ERBB4: variants seen among roughly 807,000 people sequenced by gnomAD.
The protein encoded by ERBB4 is receptor tyrosine-protein kinase erbB-4.
In ERBB4, 42 loss-of-function variants were observed where a neutral mutation model predicts 158.0. That is an observed-to-expected ratio of 0.27 (90% CI 0.21 to 0.34). The LOEUF (loss-of-function observed/expected upper bound fraction) is 0.34. ERBB4 is among the 10% of genes least tolerant of loss of function. The pLI is 1.00. For missense variants in ERBB4, 1,333 were observed against 1,624.1 expected (o/e 0.82, Z 3.08); for synonymous variants, 583 against 558.7 (o/e 1.04, Z -0.61).
intron 1 of ERBB4, among the ~76,000 whole-genome samples, chr2:212,402,465 C>T (rs2091235478): frequency 1.3e-5 from 2 of 151,920 alleles, no homozygotes; most frequent in South Asian, 4.2e-4. Context: ...GTGATAAAAC[C>T]ATGTAGAACT....
intron 5 of ERBB4, among the ~76,000 whole-genome samples, chr2:211,737,282 A>G (rs1305270383): frequency 6.6e-6 from 1 of 152,144 alleles, no homozygotes; most frequent in African/African-American, 2.4e-5. Flanking sequence ...CAATTTTCAA[A>G]TCCAGGAAGG....
intron 1 of ERBB4, among the ~76,000 whole-genome samples, chr2:212,217,849 T>G (rs914718869): frequency 2.0e-5 from 3 of 151,352 alleles, no homozygotes; most frequent in African/African-American, 7.3e-5. Flanking sequence ...CCGAACAAGA[T>G]AATATATGTA....
chr2:212,360,108 G>T (rs2089627290), intron 1 of ERBB4, among the ~76,000 whole-genome samples: 1 of 151,686 alleles, frequency 6.6e-6, no homozygotes, highest in Non-Finnish European at 1.5e-5. Flanking sequence ...GTGGAAAACT[G>T]ACACCTCACT....
At chr2:212,472,578 CAG>C (rs1689169200) in intron 1 of ERBB4, among the ~76,000 whole-genome samples, 1 of 151,270 alleles carries the variant, frequency 6.6e-6, no homozygotes, top group Non-Finnish European at 1.5e-5. Flanking sequence ...AAGGCAAATG[CAG>C]AGAGGTAGAA....
rs1039488208 is a variant in ERBB4, at chr2:212,433,699, T to C, written c.82+104750A>G. Among the ~76,000 whole-genome samples, 9 of 152,142 alleles carry C rather than the reference T, an allele frequency of 5.9e-5. No individual in the cohort carries two copies. The East Asian group carries it at 1.7e-3, about 29-fold the overall frequency. ...TATACACATCGTTGGTAGTAAAATA[T>C]ATATATTAATATCTTGAAACATTAG... On this transcript the variant is annotated intron_variant, in intron 1 of 27. Transcript: ENST00000342788.
chr2:211,582,628 GTTAC>G (rs2068138158), intron 19 of ERBB4, among the ~76,000 whole-genome samples: 1 of 152,034 alleles, frequency 6.6e-6, no homozygotes, highest in Admixed American at 6.6e-5. Context: ...ACTGACATAG[GTTAC>G]TTAGATTAAA....
intron 14 of ERBB4, among the ~76,000 whole-genome samples, chr2:211,669,235 A>G (rs891202293): frequency 7.3e-4 from 101 of 137,788 alleles, no homozygotes; most frequent in East Asian, 2.1e-3. Flanking sequence ...AAAAAAAAAA[A>G]AAAGAAAAAA....
intron 3 of ERBB4, among the ~76,000 whole-genome samples, chr2:211,840,872 A>AATT (rs2077454981): frequency 1.3e-5 from 2 of 151,930 alleles, no homozygotes; most frequent in African/African-American, 4.8e-5. Flanking sequence ...ACAATGGGGT[A>AATT]TGCAATTTAA....
intron 2 of ERBB4, among the ~76,000 whole-genome samples, chr2:211,975,240 C>T (rs1216122703): frequency 6.6e-6 from 1 of 152,182 alleles, no homozygotes; most frequent in African/African-American, 2.4e-5. Flanking sequence ...CCTCCACCGC[C>T]CAAAGTACTA....
intron 2 of ERBB4, among the ~76,000 whole-genome samples, chr2:212,123,709 G>A (rs1042713430): frequency 2.6e-5 from 4 of 151,914 alleles, no homozygotes; most frequent in Non-Finnish European, 5.9e-5. Context: ...TTCTGAGGTT[G>A]TTACCAATTT....
chr2:211,966,064 T>G (rs2081302516), intron 2 of ERBB4, among the ~76,000 whole-genome samples: 1 of 151,906 alleles, frequency 6.6e-6, no homozygotes, highest in Non-Finnish European at 1.5e-5. Context: ...AATGTCAAAA[T>G]TTAGCCGGAC....
intron 22 of ERBB4, 40 bp from the exon 23 acceptor site, chr2:211,424,341 A>G (rs2063579707): frequency 6.7e-7 from 1 of 1,503,510 alleles, no homozygotes; most frequent in Non-Finnish European, 9.2e-7. Flanking sequence ...CATATTAACA[A>G]CATATGTTGA....
chr2:211,596,845 AC>A (rs1346533705), intron 19 of ERBB4, among the ~76,000 whole-genome samples: 4 of 150,906 alleles, frequency 2.7e-5, no homozygotes, highest in African/African-American at 9.7e-5. Context: ...GCTCACTGCA[AC>A]CTCCACCTCC....
chr2:212,049,294 T>A (rs2125391291), intron 2 of ERBB4, among the ~76,000 whole-genome samples: 1 of 152,364 alleles, frequency 6.6e-6, no homozygotes, highest in South Asian at 2.1e-4. Flanking sequence ...CTGATGTGTG[T>A]TCAACTTTCC....
At chr2:211,479,469 G>C (rs1218604997) in intron 20 of ERBB4, among the ~76,000 whole-genome samples, 1 of 152,082 alleles carries the variant, frequency 6.6e-6, no homozygotes, top group Admixed American at 6.6e-5. Context: ...TTTGCCTATA[G>C]ACTGTACATT....
intron 1 of ERBB4, among the ~76,000 whole-genome samples, chr2:212,501,172 T>A (rs1457561074): frequency 6.6e-6 from 1 of 152,110 alleles, no homozygotes; most frequent in Non-Finnish European, 1.5e-5. Flanking sequence ...ACACATCTAA[T>A]GACACAAAGT....
chr2:211,934,932 A>AG (rs2080275948), intron 3 of ERBB4, among the ~76,000 whole-genome samples: 1 of 149,368 alleles, frequency 6.7e-6, no homozygotes, highest in African/African-American at 2.4e-5. Flanking sequence ...CAGCTAAAAA[A>AG]AAAAAAAAAC....
intron 22 of ERBB4, among the ~76,000 whole-genome samples, chr2:211,426,105 A>G (rs532421248): frequency 2.0e-5 from 3 of 152,370 alleles, no homozygotes; most frequent in African/African-American, 7.2e-5. Flanking sequence ...GCAACTGTAA[A>G]TCAAAATAAT....
intron 1 of ERBB4, among the ~76,000 whole-genome samples, chr2:212,435,940 G>C (rs1186677496): frequency 1.3e-5 from 2 of 151,886 alleles, no homozygotes; most frequent in East Asian, 1.9e-4. Flanking sequence ...CCTTTGGTGT[G>C]TCCCAGAAAA....
Sources: allele counts gnomAD v4.1 joint callset (sites outside exome capture counted in the v4.1 genomes callset), GRCh38; gene constraint gnomAD v4.1.1; transcripts MANE v1.5; gene names NCBI Gene and HGNC (gene_info 2026-07-23, HGNC 2026-07-21).